USP6: variants seen among roughly 807,000 people sequenced by gnomAD.
USP6 encodes the protein ubiquitin carboxyl-terminal hydrolase 6.
Under a neutral mutation model 175.7 loss-of-function variants are expected in USP6, and 128 were observed. That is an observed-to-expected ratio of 0.73 (90% CI 0.63 to 0.84). The LOEUF (loss-of-function observed/expected upper bound fraction) is 0.84. USP6 is among the 40% of genes least tolerant of loss of function. The probability of loss-of-function intolerance (pLI) is 0.00; values close to 1 mark genes in which losing one functional copy is unlikely to be tolerated. For missense variants in USP6, 1,498 were observed against 1,760.3 expected (o/e 0.85, Z 2.67); for synonymous variants, 562 against 630.6 (o/e 0.89, Z 1.63).
intron 31 of USP6, among the ~76,000 whole-genome samples, chr17:5,160,849 G>A (rs2073991306): frequency 6.6e-6 from 1 of 152,200 alleles, no homozygotes; most frequent in Non-Finnish European, 1.5e-5. Flanking sequence ...CACCAACAGT[G>A]TAAAAGTGTT....
At position 5,168,839 on chromosome 17, in the gene USP6, C is replaced by A; in HGVS notation, c.3301C>A (p.Arg1101=). The A allele has an allele frequency of 6.2e-7, 1 of 1,611,532 alleles. No individual in the cohort carries two copies. Among genetic ancestry groups the A allele is most frequent in the Non-Finnish European group, 8.5e-7 (1 of 1,179,098 alleles). ...ATCACAGAAAATTGTCAGATTTCTT[C>A]GGGAAAGTTTTGATCCGAGTGCTTT... ...IKSQKIVRFL[R]ESFDPSAFLV... The change falls in exon 35 of 38, where the codon CGG becomes AGG. Residue 1101 remains arginine, a synonymous_variant. Coordinates refer to ENST00000574788, the MANE Select transcript of USP6 (RefSeq NM_001304284.2).
rs903946729 is a variant in USP6, at chr17:5,138,348, C to T, written c.1078+75C>T. 6 of 1,600,860 alleles carry T rather than the reference C, an allele frequency of 3.7e-6. No homozygotes were observed. In the Admixed American group the frequency reaches 5.0e-5, roughly 13 times the overall value. ...ATAGTGGGCGGGTGCCCCGGACCAG[C>T]AACCCTACTACCTGGGCCTTCCTCT... On this transcript the variant is annotated intron_variant, in intron 21 of 37. Coordinates refer to ENST00000574788, the MANE Select transcript of USP6 (RefSeq NM_001304284.2).
At chr17:5,133,337 C>T in intron 13 of USP6, 106 bp from the exon 14 acceptor site, 3 of 1,276,940 alleles carry the variant, frequency 2.3e-6, no homozygotes, top group Admixed American at 1.7e-5. Context: ...CTCGCCTCTA[C>T]TGAGGAATCA....
intron 37 of USP6, 77 bp from the exon 38 acceptor site, chr17:5,172,728 G>A: frequency 6.3e-7 from 1 of 1,575,540 alleles, no homozygotes; most frequent in Non-Finnish European, 8.6e-7. Flanking sequence ...ACAGAGGGTT[G>A]GTCTTCCCTT....
chr17:5,133,761 C>T (rs2073157557), intron 14 of USP6, 126 bp from the exon 15 acceptor site: 3 of 1,234,662 alleles, frequency 2.4e-6, no homozygotes, highest in Non-Finnish European at 3.5e-6. Flanking sequence ...AAGCAGCTTT[C>T]TGCAGAAGGA....
In USP6 at chr17:5,136,440, T is replaced by C. The variant is rs1204430108; in HGVS notation, c.665-200T>C. On this transcript the variant is annotated intron_variant, in intron 17 of 37. Transcript: ENST00000574788. Reference sequence around the variant, plus strand: ...CTTTTGCACCCTGGCCCAGGAGGCTTCCAGGGGAACCTCCAGCCAGGCTCC... The same window carrying C: ...CTTTTGCACCCTGGCCCAGGAGGCTCCCAGGGGAACCTCCAGCCAGGCTCC... 2.6e-5 allele frequency among the ~76,000 whole-genome samples: 4 copies of C among 152,198 alleles called. No homozygotes were observed. The East Asian group carries it at 5.8e-4, about 22-fold the overall frequency.
Position 5,167,944 on chromosome 17 carries a change from C to G in USP6, c.3049C>G (p.His1017Asp), listed in dbSNP as rs754335521. The change falls in exon 34 of 38, where the codon CAT becomes GAT. Residue 1017 changes from histidine (H) to aspartate (D), a missense_variant. By Grantham distance (81) the His-to-Asp change is moderately conservative. Transcript: ENST00000574788. The part of the protein sequence containing the change: ...QTSQERVVDK[H>D]ESVEQSRRAQ... ...CCTCTACCTACAGGTTGTAGATAAG[C>G]ATGAGAGTGTGGAGCAGAGTCGGCG... The G allele has an allele frequency of 1.9e-6, 3 of 1,611,586 alleles. No individual in the cohort carries two copies. The South Asian group carries it at 3.3e-5, about 18-fold the overall frequency.
At position 5,138,051 on chromosome 17, in the gene USP6, G is replaced by T. The variant is rs1423577662; in HGVS notation, c.926-70G>T. 4 of 1,611,544 alleles carry T rather than the reference G, an allele frequency of 2.5e-6. No individual in the cohort carries two copies. The African/African-American group carries it at 4.0e-5, about 16-fold the overall frequency. On this transcript the variant is annotated intron_variant, in intron 20 of 37. Transcript: ENST00000574788. ...CGGCACCGCCCAGTGGGAGACTGAAGTGGCCACAGGGTATGAGCTGTGACC... is the reference window on the plus strand; with the variant it reads ...CGGCACCGCCCAGTGGGAGACTGAATTGGCCACAGGGTATGAGCTGTGACC...
intron 31 of USP6, among the ~76,000 whole-genome samples, chr17:5,156,672 C>A (rs1325155356): frequency 1.3e-5 from 2 of 151,434 alleles, no homozygotes; most frequent in African/African-American, 2.4e-5. Context: ...AAAAAAAGTT[C>A]TTTACTTATT....
At chr17:5,118,084 A>G (rs2072575103) in intron 1 of USP6, 116 bp from the exon 2 acceptor site, 1 of 152,076 alleles carries the variant, frequency 6.6e-6, no homozygotes, top group Admixed American at 6.6e-5. Context: ...AAAAAAAAAA[A>G]TCAAGACAAG....
chr17:5,156,478 GT>G (rs5819015), intron 31 of USP6, among the ~76,000 whole-genome samples: 1 of 151,246 alleles, frequency 6.6e-6, no homozygotes, highest in Non-Finnish European at 1.5e-5. Flanking sequence ...GGCTAATTTT[GT>G]TTTTTTGGTA....
At chr17:5,148,005 C>G (rs1241317356) in intron 29 of USP6, among the ~76,000 whole-genome samples, 1 of 152,136 alleles carries the variant, frequency 6.6e-6, no homozygotes, top group Admixed American at 6.5e-5. Context: ...CTCAGCCTCC[C>G]AAGAAGCTGG....
intron 30 of USP6, among the ~76,000 whole-genome samples, chr17:5,150,753 G>A (rs770737683): frequency 1.1e-4 from 16 of 151,962 alleles, no homozygotes; most frequent in South Asian, 1.0e-3. Flanking sequence ...TCGCCCTCCC[G>A]AAGTGCTGGG....
At position 5,116,334 on chromosome 17, in the gene USP6, C is replaced by G. The variant is rs1211022518; in HGVS notation, c.-2334C>G. Reference sequence around the variant, plus strand: ...CTCCCGGCGGCCCGCCTCACCACTCCCGGCTTCCCGGGGCTTAGGCCCGCA... The same window carrying G: ...CTCCCGGCGGCCCGCCTCACCACTCGCGGCTTCCCGGGGCTTAGGCCCGCA... On this transcript the variant is annotated 5_prime_UTR_variant, in exon 1 of 38. Transcript: ENST00000574788. 1 of 153,050 alleles carries G rather than the reference C, an allele frequency of 6.5e-6. No homozygotes were observed. Among genetic ancestry groups the G allele is most frequent in the African/African-American group, 2.4e-5 (1 of 41,486 alleles). 9.5% of individuals were successfully genotyped at this position (153,050 alleles called of 1,614,324 possible).
At chr17:5,150,477 C>T in intron 30 of USP6, among the ~76,000 whole-genome samples, 1 of 150,780 alleles carries the variant, frequency 6.6e-6, no homozygotes, top group Middle Eastern at 3.4e-3. Flanking sequence ...AATTTGGTGG[C>T]TTTAAACAAC....
chr17:5,142,710 G>A (rs1026161253), intron 25 of USP6, among the ~76,000 whole-genome samples: 1 of 152,104 alleles, frequency 6.6e-6, no homozygotes, highest in Non-Finnish European at 1.5e-5. Context: ...AAGACCAAAG[G>A]TACACTCTAA....
intron 29 of USP6, among the ~76,000 whole-genome samples, chr17:5,147,954 C>T (rs2073657955): frequency 6.6e-6 from 1 of 152,156 alleles, no homozygotes; most frequent in African/African-American, 2.4e-5. Flanking sequence ...CATCTTGGCT[C>T]ACTGCAGCCT....
intron 16 of USP6, 140 bp downstream of exon 16, chr17:5,135,422 G>T (rs1429510389): frequency 1.7e-6 from 2 of 1,210,200 alleles, no homozygotes; most frequent in South Asian, 2.6e-5. Flanking sequence ...CTAGGTCACC[G>T]CTGGCATAAA....
intron 18 of USP6, 27 bp from the exon 19 acceptor site, chr17:5,137,094 C>G (rs773685240): frequency 6.2e-7 from 1 of 1,612,792 alleles, no homozygotes; most frequent in Middle Eastern, 1.7e-4. Context: ...CCCAGGGGGC[C>G]CTGAGCACCT....
Sources: gnomAD v4.1 joint callset for allele counts (sites outside exome capture counted in the v4.1 genomes callset) on GRCh38, gnomAD v4.1.1 for gene constraint, MANE v1.5 for transcripts, NCBI Gene and HGNC (gene_info 2026-07-23, HGNC 2026-07-21) for gene names.